MYO16: variants seen among roughly 807,000 people sequenced by gnomAD.
MYO16 encodes the protein unconventional myosin-XVI.
In MYO16, 94 loss-of-function variants were observed where a neutral mutation model predicts 205.3. The ratio of observed to expected loss-of-function variants is 0.46; its 90% CI spans 0.39 to 0.54. The LOEUF is 0.54. MYO16 is among the 20% of genes least tolerant of loss of function. The pLI, the probability that MYO16 is intolerant of heterozygous loss-of-function variation, is 0.00. For synonymous variants in MYO16, 988 were observed against 954.0 expected (o/e 1.04, Z -0.66); for missense variants, 2,315 against 2,387.5 (o/e 0.97, Z 0.63).
chr13:108,832,016 G>A (rs1876647391), intron 9 of MYO16, among the ~76,000 whole-genome samples: 1 of 152,100 alleles, frequency 6.6e-6, no homozygotes, highest in Non-Finnish European at 1.5e-5. Context: ...TACAGCTGCT[G>A]TAACTTTGGG....
chr13:109,182,699 G>T (rs1218059234), intron 34 of MYO16, among the ~76,000 whole-genome samples: 2 of 151,934 alleles, frequency 1.3e-5, no homozygotes, highest in African/African-American at 2.4e-5. Flanking sequence ...CTCTTCATTT[G>T]TTCTCAAAAT....
At chr13:108,704,222 C>T (rs1883416069) in intron 2 of MYO16, among the ~76,000 whole-genome samples, 1 of 151,992 alleles carries the variant, frequency 6.6e-6, no homozygotes, top group Non-Finnish European at 1.5e-5. Flanking sequence ...TCCTAAATAA[C>T]CAATGTATCA....
chr13:108,838,770 G>GCACACACA (rs71125345), intron 9 of MYO16, among the ~76,000 whole-genome samples: 60 of 145,496 alleles, frequency 4.1e-4, no homozygotes, highest in South Asian at 1.5e-3. Context: ...ACACACAAAT[G>GCACACACA]CACACACACA....
At chr13:109,135,506 A>T (rs1054258931) in intron 31 of MYO16, among the ~76,000 whole-genome samples, 4 of 152,166 alleles carry the variant, frequency 2.6e-5, no homozygotes, top group Non-Finnish European at 5.9e-5. Context: ...GCTGTTGTTT[A>T]GAGGTGAGGT....
the MYO16 span, among the ~76,000 whole-genome samples, chr13:108,549,437 C>T: frequency 1.3e-4 from 19 of 151,616 alleles, no homozygotes; most frequent in African/African-American, 2.2e-4. Context: ...TTTCCAGTAA[C>T]GCCTATTTTG....
At chr13:109,010,905 A>G (rs1160926466) in intron 22 of MYO16, among the ~76,000 whole-genome samples, 1 of 148,364 alleles carries the variant, frequency 6.7e-6, no homozygotes, top group South Asian at 2.1e-4. Context: ...AGCTTCTCAC[A>G]TAGACCGTTT....
chr13:108,556,840 T>A, the MYO16 span, among the ~76,000 whole-genome samples: 1 of 152,302 alleles, frequency 6.6e-6, no homozygotes, highest in African/African-American at 2.4e-5. Context: ...TATAGCTTCA[T>A]TCTTCTGCAT....
chr13:108,527,011 C>G, the MYO16 span, among the ~76,000 whole-genome samples: 1 of 152,108 alleles, frequency 6.6e-6, no homozygotes, highest in African/African-American at 2.4e-5. Context: ...AAGGTCAAGT[C>G]ATTAAATTTG....
intron 34 of MYO16, among the ~76,000 whole-genome samples, chr13:109,204,846 A>G (rs1463745172): frequency 1.3e-5 from 2 of 152,156 alleles, no homozygotes; most frequent in Non-Finnish European, 1.5e-5. Flanking sequence ...TTAAGAGCTG[A>G]CGAGTTAATG....
chr13:109,076,534 C>T (rs539043117), intron 27 of MYO16, among the ~76,000 whole-genome samples: 13 of 152,296 alleles, frequency 8.5e-5, no homozygotes, highest in African/African-American at 3.1e-4. Context: ...AGGGGAAGGA[C>T]ATGAAACTCC....
the MYO16 span, among the ~76,000 whole-genome samples, chr13:108,498,081 G>A: frequency 6.6e-6 from 1 of 152,278 alleles, no homozygotes; most frequent in Non-Finnish European, 1.5e-5. Context: ...GCATAAGTGA[G>A]AAGAGATACG....
intron 34 of MYO16, among the ~76,000 whole-genome samples, chr13:109,188,569 A>G (rs1218550304): frequency 6.6e-6 from 1 of 152,214 alleles, no homozygotes; most frequent in African/African-American, 2.4e-5. Flanking sequence ...GAATATATAA[A>G]GGGGAGTTTG....
At chr13:109,109,206 ATTAT>A (rs201761053) in intron 28 of MYO16, among the ~76,000 whole-genome samples, 4,688 of 152,186 alleles carry the variant, frequency 0.031, 214 homozygotes, top group African/African-American at 0.11. Context: ...CAACTTCAAG[ATTAT>A]TTAGTCATTC....
At chr13:108,811,323 C>A (rs1005276560) in intron 7 of MYO16, among the ~76,000 whole-genome samples, 5 of 151,910 alleles carry the variant, frequency 3.3e-5, no homozygotes, top group African/African-American at 9.7e-5. Context: ...CTGGTTATGC[C>A]CCTACCCCTC....
intron 20 of MYO16, among the ~76,000 whole-genome samples, chr13:108,992,005 G>T (rs1884850686): frequency 6.6e-6 from 1 of 152,086 alleles, no homozygotes; most frequent in African/African-American, 2.4e-5. Context: ...GGAGTTTGTT[G>T]TACAGATTAT....
chr13:108,666,111 T>C lies in MYO16; in HGVS notation c.254T>C (p.Met85Thr). The C allele has an allele frequency of 6.2e-7, 1 of 1,613,662 alleles. No individual in the cohort carries two copies. The highest frequency in any genetic ancestry group is 8.5e-7 in the Non-Finnish European group (1 of 1,179,638). The change falls in exon 2 of 35, where the codon ATG becomes ACG. Residue 85 changes from methionine to threonine, a missense_variant. By Grantham distance (81) the Met-to-Thr change is moderately conservative. Around this residue, in one of 3 missense-constraint regions of MYO16, gnomAD observed 1,213 missense variants for 1,274.4 expected, o/e 0.95. Coordinates refer to ENST00000457511, the MANE Select transcript of MYO16 (RefSeq NM_001198950.3). The part of the protein sequence containing the change: ...NPKVHFNLTD[M>T]LQDAIIHHND... ...AAAGTTCACTTCAACCTCACGGACA[T>C]GCTACAGGACGCGATTATCCACCAC... is the stretch of plus-strand genomic sequence containing the variant.
At chr13:108,739,933 A>G (rs1204552511) in intron 4 of MYO16, among the ~76,000 whole-genome samples, 3 of 152,174 alleles carry the variant, frequency 2.0e-5, no homozygotes, top group Non-Finnish European at 4.4e-5. Context: ...CAAATCGGTT[A>G]CTGAAGCTTG....
chr13:108,978,518 A>G (rs566086779), intron 20 of MYO16, among the ~76,000 whole-genome samples: 12 of 152,060 alleles, frequency 7.9e-5, no homozygotes, highest in African/African-American at 2.9e-4. Flanking sequence ...CTCTTGTGAG[A>G]CATTGCATTG....
the MYO16 span, among the ~76,000 whole-genome samples, chr13:108,566,736 AGG>A: frequency 5.3e-4 from 3 of 5,670 alleles, no homozygotes; most frequent in Admixed American, 1.6e-3. Context: ...GAAGGAAGGG[AGG>A]AAGGAAGGAA....
Sources: allele counts gnomAD v4.1 joint callset (sites outside exome capture counted in the v4.1 genomes callset), GRCh38; gene constraint gnomAD v4.1.1; regional missense constraint gnomAD v4.1.1; transcripts MANE v1.5; gene names NCBI Gene and HGNC (gene_info 2026-07-23, HGNC 2026-07-21).